Variants in KIAA0825 observed in about 807,000 individuals in gnomAD.
KIAA0825 encodes the protein KIAA0825.
Under a neutral mutation model 147.6 loss-of-function variants are expected in KIAA0825, and 119 were observed. The observed-to-expected ratio is 0.81, with a 90% CI of 0.69 to 0.94. The LOEUF (loss-of-function observed/expected upper bound fraction) is 0.94, where lower values mean the gene tolerates loss of function less well. Ranked by LOEUF, KIAA0825 falls within the 40% of genes least tolerant of loss-of-function variation. KIAA0825 has a pLI of 0.00. For synonymous variants in KIAA0825, 470 were observed against 518.1 expected, an observed-to-expected ratio of 0.91 and a Z score of 1.26; for missense variants, 1,381 against 1,472.7, an observed-to-expected ratio of 0.94 and a Z score of 1.02.
At position 94,406,468 on chromosome 5, in the gene KIAA0825, A is replaced by T. The variant is rs983230683; in HGVS notation, c.2663-2675T>A. Reference sequence around the variant, plus strand: ...ATTAGAAAGCCATTAATTTTAATGAAGGCATTGGCCTCCTCAGGCATTCTT... The same window carrying T: ...ATTAGAAAGCCATTAATTTTAATGATGGCATTGGCCTCCTCAGGCATTCTT... On this transcript the variant is annotated intron_variant, in intron 15 of 20. Coordinates refer to ENST00000682413, the MANE Select transcript of KIAA0825 (RefSeq NM_001145678.3). 2.0e-5 allele frequency among the ~76,000 whole-genome samples: 3 copies of T among 152,324 alleles called. No homozygotes were observed. In the East Asian group the frequency reaches 5.8e-4, roughly 29 times the overall value.
chr5:94,599,542 A>G (rs2029910), intron 1 of KIAA0825, among the ~76,000 whole-genome samples: 11,591 of 152,110 alleles, frequency 0.076, 483 homozygotes, highest in South Asian at 0.11. Context: ...TTAAGAACTA[A>G]AATGCAAAAA....
chr5:94,601,513 T>C (rs1017245824), intron 1 of KIAA0825, among the ~76,000 whole-genome samples: 5 of 152,162 alleles, frequency 3.3e-5, no homozygotes, highest in East Asian at 1.9e-4. Flanking sequence ...AATGACCACA[T>C]CACCTTTCCA....
chr5:94,169,118 TTCTGGAAATGAGAA>T (rs1768346480), intron 20 of KIAA0825, among the ~76,000 whole-genome samples: 1 of 152,184 alleles, frequency 6.6e-6, no homozygotes, highest in Non-Finnish European at 1.5e-5. Flanking sequence ...CACTAACCTC[TTCTGGAAATGAGAA>T]TCTGAATAAA....
At chr5:94,501,579 T>C (rs1765092671) in intron 5 of KIAA0825, among the ~76,000 whole-genome samples, 1 of 152,196 alleles carries the variant, frequency 6.6e-6, no homozygotes, top group South Asian at 2.1e-4. Flanking sequence ...AGGCTTCTTT[T>C]TGCAGCAATG....
At chr5:94,390,022 G>C (rs776882624) in intron 18 of KIAA0825, among the ~76,000 whole-genome samples, 2 of 152,158 alleles carry the variant, frequency 1.3e-5, no homozygotes, top group African/African-American at 4.8e-5. Context: ...TGGTATCCCA[G>C]TGTAATCTCA....
At chr5:94,293,192 A>G (rs1189265140) in intron 20 of KIAA0825, among the ~76,000 whole-genome samples, 1 of 151,904 alleles carries the variant, frequency 6.6e-6, no homozygotes, top group African/African-American at 2.4e-5. Flanking sequence ...AGTTCTTTTA[A>G]TTGTGATGTT....
At chr5:94,427,677 G>T (rs189471538) in intron 14 of KIAA0825, among the ~76,000 whole-genome samples, 50 of 152,230 alleles carry the variant, frequency 3.3e-4, no homozygotes, top group African/African-American at 1.2e-3. Context: ...CTTTTAAATG[G>T]TATAAGTATT....
intron 2 of KIAA0825, among the ~76,000 whole-genome samples, chr5:94,564,432 C>T (rs556770148): frequency 2.2e-4 from 28 of 129,082 alleles, no homozygotes; most frequent in Non-Finnish European, 3.4e-4. Flanking sequence ...CGACTACCGG[C>T]ATGAGCCACC....
intron 15 of KIAA0825, chr5:94,416,135 A>G (rs1209449710): frequency 6.6e-6 from 1 of 152,220 alleles, no homozygotes; most frequent in Non-Finnish European, 1.5e-5. Context: ...AAGGGAATGC[A>G]TGGCAACTAG....
chr5:94,469,256 C>T (rs1262984848), intron 10 of KIAA0825, among the ~76,000 whole-genome samples: 6 of 151,814 alleles, frequency 4.0e-5, no homozygotes, highest in East Asian at 3.9e-4. Flanking sequence ...TTGCAATCTA[C>T]GCCTCCCGGG....
At chr5:94,502,707 C>G (rs1765230869) in intron 5 of KIAA0825, among the ~76,000 whole-genome samples, 1 of 152,072 alleles carries the variant, frequency 6.6e-6, no homozygotes, top group Non-Finnish European at 1.5e-5. Flanking sequence ...TAACAAAATG[C>G]AGTTTTAGGA....
intron 5 of KIAA0825, among the ~76,000 whole-genome samples, chr5:94,509,483 A>G (rs1024703325): frequency 2.6e-5 from 4 of 152,204 alleles, no homozygotes; most frequent in African/African-American, 7.2e-5. Context: ...TAGAATTTAT[A>G]TTTTGTTATC....
intron 20 of KIAA0825, among the ~76,000 whole-genome samples, chr5:94,157,411 G>C (rs568848936): frequency 1.8e-4 from 27 of 152,214 alleles, no homozygotes; most frequent in African/African-American, 6.5e-4. Flanking sequence ...ATGGCTCCTA[G>C]GTGGTTAGAT....
intron 20 of KIAA0825, among the ~76,000 whole-genome samples, chr5:94,297,635 G>A (rs145853248): frequency 1.8e-3 from 278 of 151,804 alleles, no homozygotes; most frequent in African/African-American, 6.1e-3. Flanking sequence ...TCAATCTGTC[G>A]CCCGGGCTAG....
chr5:94,284,070 C>T (rs1016982561), intron 20 of KIAA0825, among the ~76,000 whole-genome samples: 2 of 152,050 alleles, frequency 1.3e-5, no homozygotes, highest in Non-Finnish European at 2.9e-5. Context: ...TTAAAACTAT[C>T]CTCTCAAATA....
intron 20 of KIAA0825, among the ~76,000 whole-genome samples, chr5:94,267,425 A>G (rs1776781616): frequency 6.6e-6 from 1 of 152,176 alleles, no homozygotes; most frequent in South Asian, 2.1e-4. Context: ...CTTTCCTTCC[A>G]TCAGGCATAT....
chr5:94,333,068 G>A (rs1781450356), intron 20 of KIAA0825, among the ~76,000 whole-genome samples: 1 of 152,032 alleles, frequency 6.6e-6, no homozygotes, highest in Non-Finnish European at 1.5e-5. Context: ...CTTTTTCATG[G>A]GGTTGTTTCT....
At chr5:94,474,438 G>A (rs1320159919) in intron 7 of KIAA0825, among the ~76,000 whole-genome samples, 1 of 152,030 alleles carries the variant, frequency 6.6e-6, no homozygotes, top group Non-Finnish European at 1.5e-5. Context: ...TGAGCTCCAT[G>A]TCCCTGACTG....
At chr5:94,557,085 G>T (rs1374729671) in intron 2 of KIAA0825, among the ~76,000 whole-genome samples, 4 of 151,998 alleles carry the variant, frequency 2.6e-5, no homozygotes, top group Non-Finnish European at 5.9e-5. Context: ...TGGGTAGCTG[G>T]CCAGATCACA....
Sources: gnomAD v4.1 joint callset for allele counts (sites outside exome capture counted in the v4.1 genomes callset) on GRCh38, gnomAD v4.1.1 for gene constraint, MANE v1.5 for transcripts, NCBI Gene and HGNC (gene_info 2026-07-23, HGNC 2026-07-21) for gene names.